Variants in RNF214 observed in about 807,000 individuals in gnomAD.
RNF214 encodes ring finger protein 214.
A neutral mutation model predicts 75.9 loss-of-function variants in RNF214; 25 were observed. The ratio of observed to expected loss-of-function variants is 0.33; its 90% CI spans 0.24 to 0.46. RNF214 has a LOEUF of 0.46. Ranked by LOEUF, RNF214 falls within the 20% of genes least tolerant of loss-of-function variation. RNF214 has a pLI of 1.00. For synonymous variants in RNF214, 314 were observed against 308.8 expected (o/e 1.02, Z -0.18); for missense variants, 725 against 857.5 (o/e 0.85, Z 1.93).
At chr11:117,238,526 T>C in intron 2 of RNF214, 75 bp from the exon 3 acceptor site, 1 of 1,290,904 alleles carries the variant, frequency 7.7e-7, no homozygotes, top group African/African-American at 1.5e-5. Flanking sequence ...AGGGTTTACG[T>C]AGTCTAGTTT....
At chr11:117,269,821 T>C (rs937543594) in intron 6 of RNF214, among the ~76,000 whole-genome samples, 3 of 152,246 alleles carry the variant, frequency 2.0e-5, no homozygotes, top group Non-Finnish European at 4.4e-5. Context: ...TGTGTACTCC[T>C]TGACTTACTA....
chr11:117,272,715 A>G (rs2033938721), intron 6 of RNF214, among the ~76,000 whole-genome samples: 1 of 152,062 alleles, frequency 6.6e-6, no homozygotes, highest in Non-Finnish European at 1.5e-5. Flanking sequence ...TCTCATATGG[A>G]TCATGAATAT....
intron 6 of RNF214, among the ~76,000 whole-genome samples, chr11:117,248,197 T>C (rs2033280048): frequency 6.6e-6 from 1 of 152,170 alleles, no homozygotes; most frequent in Non-Finnish European, 1.5e-5. Context: ...TGCCTCAGCC[T>C]CCTGAGTAGC....
chr11:117,262,725 G>GTGTGTGTGTGTGTGTA (rs2033695508), intron 6 of RNF214, among the ~76,000 whole-genome samples: 1 of 150,372 alleles, frequency 6.7e-6, no homozygotes, highest in African/African-American at 2.4e-5. Flanking sequence ...GTGTGTGTGT[G>GTGTGTGTGTGTGTGTA]TGTGTGTGTT....
intron 6 of RNF214, among the ~76,000 whole-genome samples, chr11:117,251,387 C>G (rs2033383365): frequency 2.1e-5 from 3 of 143,514 alleles, no homozygotes; most frequent in African/African-American, 7.6e-5. Context: ...GGGCTGACCC[C>G]CCCACCTCCC....
chr11:117,258,765 G>C (rs1209283262), intron 6 of RNF214, among the ~76,000 whole-genome samples: 1 of 152,042 alleles, frequency 6.6e-6, no homozygotes, highest in Non-Finnish European at 1.5e-5. Context: ...TTCTCAGTCA[G>C]TCCCTGCCCC....
Position 117,239,050 on chromosome 11 carries a change from T to C in RNF214, c.557T>C (p.Val186Ala), listed in dbSNP as rs1271840785. Reference protein sequence around the residue: ...SPANGVEGVRVDQDDDQDSSS... With the variant: ...SPANGVEGVRADQDDDQDSSS... ...GCAAATGGGGTTGAAGGAGTCCGAG[T>C]GGATCAGGATGATGATCAAGATAGC... is the stretch of plus-strand genomic sequence containing the variant. Residue 186 changes from valine (V) to alanine (A), a missense_variant, in exon 3 of 15, where the codon GTG becomes GCG. By Grantham distance (64) the Val-to-Ala change is moderately conservative. Transcript: ENST00000300650. 2 of 1,613,896 alleles carry C rather than the reference T, an allele frequency of 1.2e-6. No homozygotes were observed. The highest frequency in any genetic ancestry group is 4.5e-5 in the East Asian group (2 of 44,902).
At chr11:117,277,316 T>C (rs1050711757) in intron 6 of RNF214, among the ~76,000 whole-genome samples, 2 of 151,840 alleles carry the variant, frequency 1.3e-5, no homozygotes, top group African/African-American at 4.9e-5. Flanking sequence ...GTACCCCAGC[T>C]TGGGTGACAG....
chr11:117,259,748 T>C (rs1435803837), intron 6 of RNF214, among the ~76,000 whole-genome samples: 1 of 152,208 alleles, frequency 6.6e-6, no homozygotes, highest in East Asian at 1.9e-4. Context: ...ACTTTTTTAT[T>C]CCTTTTCTTG....
In RNF214 at chr11:117,280,069, G is replaced by A; in HGVS notation, c.1056+65G>A. On this transcript the variant is annotated intron_variant, in intron 7 of 14. Coordinates refer to ENST00000300650, the MANE Select transcript of RNF214 (RefSeq NM_207343.4). ...GGCTTCCAGATGGTATCTACTTTTG[G>A]CATTGTAATAGGAGAGCCAGTAAGC... 10 of 1,511,744 alleles carry A rather than the reference G, an allele frequency of 6.6e-6. 1 individual carries two copies. In the South Asian group the frequency reaches 1.1e-4, roughly 17 times the overall value. 93.6% of individuals were successfully genotyped at this position (1,511,744 alleles called of 1,614,324 possible). A position where few individuals can be genotyped will look rare whatever the true frequency, so the allele number is the denominator to read the frequency against.
At position 117,251,338 on chromosome 11, in the gene RNF214, C is replaced by T. The variant is rs866739679; in HGVS notation, c.959+4390C>T. 8.5e-3 allele frequency among the ~76,000 whole-genome samples: 968 copies of T among 113,624 alleles called. 11 individuals are homozygous for T. Among genetic ancestry groups the T allele is most frequent in the African/African-American group, 0.031 (880 of 28,812 alleles). The allele number at this position is 113,624 out of a possible 152,430, so 74.5% of individuals were successfully genotyped here. A position where few individuals can be genotyped will look rare whatever the true frequency, so the allele number is the denominator to read the frequency against. On this transcript the variant is annotated intron_variant, in intron 6 of 14. Transcript: ENST00000300650. The stretch of plus-strand genomic sequence containing the variant: ...CCCAGTAGGGGCGGCCGGGCAGAGG[C>T]GCCCCTCACCTCCCGGACGGGGCGG...
At chr11:117,242,230 G>T (rs954930852) in intron 4 of RNF214, among the ~76,000 whole-genome samples, 1 of 152,088 alleles carries the variant, frequency 6.6e-6, no homozygotes, top group Non-Finnish European at 1.5e-5. Flanking sequence ...AGGCACCCCA[G>T]GAAGAGGTCT....
At chr11:117,237,336 C>T (rs967619172) in intron 2 of RNF214, among the ~76,000 whole-genome samples, 1 of 152,216 alleles carries the variant, frequency 6.6e-6, no homozygotes, top group African/African-American at 2.4e-5. Flanking sequence ...CTGCCTTGAC[C>T]TCCCAAAGTG....
chr11:117,267,846 A>G (rs1410195054), intron 6 of RNF214, among the ~76,000 whole-genome samples: 1 of 152,230 alleles, frequency 6.6e-6, no homozygotes, highest in African/African-American at 2.4e-5. Context: ...AGAACCTAAA[A>G]TGACCACTGT....
In RNF214 at chr11:117,279,983, T is replaced by C; in HGVS notation, c.1035T>C (p.Thr345=). ...GEINRNIMEE[T]ERAWKAEILS... Reference sequence around the variant, plus strand: ...TAAATAGGAACATTATGGAAGAGACTGAACGGGCCTGGAAGGCAGAGGTGA... The same window carrying C: ...TAAATAGGAACATTATGGAAGAGACCGAACGGGCCTGGAAGGCAGAGGTGA... The change falls in exon 7 of 15, where the codon ACT becomes ACC. Residue 345 remains threonine, a synonymous_variant. Transcript: ENST00000300650. The C allele has an allele frequency of 6.2e-7, 1 of 1,613,098 alleles. No individual in the cohort carries two copies. The highest frequency in any genetic ancestry group is 8.5e-7 in the Non-Finnish European group (1 of 1,179,540).
At chr11:117,279,812 C>T in intron 6 of RNF214, 96 bp from the exon 7 acceptor site, 1 of 755,272 alleles carries the variant, frequency 1.3e-6, no homozygotes, top group Non-Finnish European at 2.2e-6. Flanking sequence ...CTGTAACATA[C>T]TTGGCTGACC....
intron 6 of RNF214, among the ~76,000 whole-genome samples, chr11:117,265,343 T>C (rs1025178699): frequency 6.6e-6 from 1 of 152,194 alleles, no homozygotes; most frequent in Non-Finnish European, 1.5e-5. Context: ...ATAATTTTCT[T>C]GGATAAAGTA....
At position 117,284,969 on chromosome 11, in the gene RNF214, T is replaced by G. The variant is rs2034219933; in HGVS notation, c.2047-117T>G. The G allele has an allele frequency of 1.7e-5, 12 of 707,018 alleles. No homozygotes were observed. In the East Asian group the frequency reaches 3.0e-4, roughly 18 times the overall value. 43.8% of individuals were successfully genotyped at this position (707,018 alleles called of 1,614,324 possible). On this transcript the variant is annotated intron_variant, in intron 14 of 14. Transcript: ENST00000300650. ...GAACAGCAACAAAAAAAGCCCCTCT[T>G]GTACCTCAGTGTAAGAACTTTTCTG... is the stretch of plus-strand genomic sequence containing the variant.
Position 117,276,726 on chromosome 11 carries a change from T to C in RNF214, c.960-3182T>C, listed in dbSNP as rs1342942080. Among the ~76,000 whole-genome samples, 4 of 152,272 alleles carry C rather than the reference T, an allele frequency of 2.6e-5. 1 individual carries two copies. Among genetic ancestry groups the C allele is most frequent in the African/African-American group, 9.6e-5 (4 of 41,470 alleles). ...AAGGAAAAGATTTTTTGTTTGTGAATATGTGGAATGTTTCCATTGACATAA... is the reference window on the plus strand; with the variant it reads ...AAGGAAAAGATTTTTTGTTTGTGAACATGTGGAATGTTTCCATTGACATAA... On this transcript the variant is annotated intron_variant, in intron 6 of 14. Transcript: ENST00000300650.
Sources: allele counts gnomAD v4.1 joint callset (sites outside exome capture counted in the v4.1 genomes callset), GRCh38; gene constraint gnomAD v4.1.1; transcripts MANE v1.5; gene names NCBI Gene and HGNC (gene_info 2026-07-23, HGNC 2026-07-21).